The following ASAP2 variants were observed in gnomAD, a reference collection of about 807,000 sequenced individuals.
ASAP2 encodes ArfGAP with SH3 domain, ankyrin repeat and PH domain 2.
A neutral mutation model predicts 131.4 loss-of-function variants in ASAP2; 45 were observed. The ratio of observed to expected loss-of-function variants is 0.34; its 90% CI spans 0.27 to 0.44. ASAP2 has a LOEUF of 0.44. Among genes scored for constraint, ASAP2 ranks in the 20% least tolerant of loss-of-function variants. The pLI is 1.00. For missense variants in ASAP2, 1,011 were observed against 1,297.0 expected, an observed-to-expected ratio of 0.78 and a Z score of 3.39; for synonymous variants, 510 against 503.0, an observed-to-expected ratio of 1.01 and a Z score of -0.19.
chr2:9,270,650 A>C (rs1263988788), intron 1 of ASAP2, among the ~76,000 whole-genome samples: 6 of 151,802 alleles, frequency 4.0e-5, no homozygotes, highest in African/African-American at 1.5e-4. Flanking sequence ...TGTTTCTATC[A>C]AATACTAGAT....
intron 12 of ASAP2, among the ~76,000 whole-genome samples, chr2:9,355,365 G>A (rs1672626569): frequency 6.6e-6 from 1 of 152,070 alleles, no homozygotes; most frequent in African/African-American, 2.4e-5. Context: ...CCCTTAATTT[G>A]GATTTCTCTA....
chr2:9,377,436 A>G (rs1406840706), intron 18 of ASAP2, among the ~76,000 whole-genome samples: 1 of 152,246 alleles, frequency 6.6e-6, no homozygotes, highest in Non-Finnish European at 1.5e-5. Flanking sequence ...GCACTGGATT[A>G]TGGGTGTTTT....
At chr2:9,231,358 G>T (rs1663148219) in intron 1 of ASAP2, among the ~76,000 whole-genome samples, 1 of 152,158 alleles carries the variant, frequency 6.6e-6, no homozygotes, top group African/African-American at 2.4e-5. Context: ...TTGCTCTAGG[G>T]CTTAAGTCAG....
intron 1 of ASAP2, among the ~76,000 whole-genome samples, chr2:9,246,492 A>G (rs1175824316): frequency 3.3e-5 from 5 of 152,110 alleles, no homozygotes; most frequent in Admixed American, 1.3e-4. Flanking sequence ...GAGTATCACC[A>G]TATTGCCCAG....
intron 1 of ASAP2, among the ~76,000 whole-genome samples, chr2:9,221,876 C>T (rs544993196): frequency 2.0e-5 from 3 of 152,202 alleles, no homozygotes; most frequent in African/African-American, 7.2e-5. Flanking sequence ...TCACTGCAAG[C>T]TCTGCCTCCC....
Position 9,317,971 on chromosome 2 carries a change from C to T in ASAP2, c.346-553C>T, listed in dbSNP as rs367643851. Among the ~76,000 whole-genome samples, 4 of 151,182 alleles carry T rather than the reference C, an allele frequency of 2.6e-5. No homozygotes were observed. In the East Asian group the frequency reaches 7.7e-4, roughly 29 times the overall value. On this transcript the variant is annotated intron_variant, in intron 3 of 27. Coordinates refer to ENST00000281419, the MANE Select transcript of ASAP2 (RefSeq NM_003887.3). ...ACACCCTCACTCAGTCGTACACACT[C>T]ATTGACACACACTCTCCGTCCCCAA...
chr2:9,315,896 A>G (rs1669640611), intron 3 of ASAP2, among the ~76,000 whole-genome samples: 1 of 152,210 alleles, frequency 6.6e-6, no homozygotes, highest in Non-Finnish European at 1.5e-5. Context: ...TCCTAGGGCA[A>G]AAGTTCCCCA....
intron 12 of ASAP2, among the ~76,000 whole-genome samples, chr2:9,354,548 G>T (rs1672562949): frequency 1.3e-5 from 2 of 151,520 alleles, no homozygotes; most frequent in Non-Finnish European, 2.9e-5. Flanking sequence ...GAGGTGGGAA[G>T]ATCGCTTGAG....
chr2:9,367,198 T>C (rs1046636959), intron 15 of ASAP2, among the ~76,000 whole-genome samples: 2 of 151,772 alleles, frequency 1.3e-5, no homozygotes, highest in Non-Finnish European at 2.9e-5. Context: ...GCCTGGCTAA[T>C]TTCTTTTGTA....
At chr2:9,290,188 C>T (rs1424624545) in intron 2 of ASAP2, among the ~76,000 whole-genome samples, 4 of 151,946 alleles carry the variant, frequency 2.6e-5, no homozygotes, top group African/African-American at 9.7e-5. Context: ...AAGACATATT[C>T]TAATGTTATT....
chr2:9,374,385 G>C (rs539678984), intron 16 of ASAP2, among the ~76,000 whole-genome samples: 1 of 152,358 alleles, frequency 6.6e-6, no homozygotes, highest in African/African-American at 2.4e-5. Flanking sequence ...GCAGGGGCAG[G>C]GCCTTCCTGG....
chr2:9,254,254 T>TATATATATATACACACACACAC (rs1553297027), intron 1 of ASAP2, among the ~76,000 whole-genome samples: 1 of 65,766 alleles, frequency 1.5e-5, no homozygotes, highest in Non-Finnish European at 2.8e-5. Flanking sequence ...TATATATATA[T>TATATATATATACACACACACAC]ACACGTGTGT....
At chr2:9,216,259 G>A (rs1251595802) in intron 1 of ASAP2, among the ~76,000 whole-genome samples, 1 of 151,400 alleles carries the variant, frequency 6.6e-6, no homozygotes, top group African/African-American at 2.4e-5. Context: ...TCCAGAGTGT[G>A]GGTGAAGTCA....
chr2:9,334,713 C>T, intron 7 of ASAP2, 25 bp from the exon 8 acceptor site: 1 of 1,600,712 alleles, frequency 6.2e-7, no homozygotes, highest in Non-Finnish European at 8.5e-7. Flanking sequence ...GAAATGTCAT[C>T]TCTGTTTCTT....
intron 1 of ASAP2, among the ~76,000 whole-genome samples, chr2:9,274,847 G>A (rs1325774355): frequency 6.6e-6 from 1 of 152,136 alleles, no homozygotes; most frequent in South Asian, 2.1e-4. Flanking sequence ...TCATCCCTGA[G>A]TTCAGGAAGC....
In ASAP2 at chr2:9,375,812, A is replaced by G. The variant is rs1414248852; in HGVS notation, c.1746+868A>G. Among the ~76,000 whole-genome samples the G allele has an allele frequency of 2.0e-5, 3 of 152,246 alleles. No homozygotes were observed. The East Asian group carries it at 5.8e-4, about 29-fold the overall frequency. On this transcript the variant is annotated intron_variant, in intron 17 of 27. Coordinates refer to ENST00000281419, the MANE Select transcript of ASAP2 (RefSeq NM_003887.3). The stretch of plus-strand genomic sequence containing the variant: ...CAGGTTTAACCTGAGCTTCATGCTA[A>G]CGAGAGAAGCTCTCTGAGAGGGGCG...
At chr2:9,222,821 G>A (rs2147988441) in intron 1 of ASAP2, among the ~76,000 whole-genome samples, 1 of 152,176 alleles carries the variant, frequency 6.6e-6, no homozygotes. Context: ...TCCTTCCATT[G>A]TCTACACTCC....
intron 1 of ASAP2, among the ~76,000 whole-genome samples, chr2:9,234,953 T>C (rs1558253975): frequency 6.6e-6 from 1 of 152,108 alleles, no homozygotes; most frequent in Non-Finnish European, 1.5e-5. Flanking sequence ...GGGGAAGTGA[T>C]AAGAGAGGAA....
At position 9,374,735 on chromosome 2, in the gene ASAP2, G is replaced by T; in HGVS notation, c.1557-20G>T. 1 of 1,574,494 alleles carries T rather than the reference G, an allele frequency of 6.4e-7. No homozygotes were observed. Among genetic ancestry groups the T allele is most frequent in the South Asian group, 1.2e-5 (1 of 85,556 alleles). On this transcript the variant is annotated intron_variant, in intron 16 of 27. Transcript: ENST00000281419. Reference sequence around the variant, plus strand: ...GTAGAAGCCCTTCATGATTTGCAAGGCAATTACGTTTGGTTTCAGGAATGC... The same window carrying T: ...GTAGAAGCCCTTCATGATTTGCAAGTCAATTACGTTTGGTTTCAGGAATGC...
Sources: gnomAD v4.1 joint callset for allele counts (sites outside exome capture counted in the v4.1 genomes callset) on GRCh38, gnomAD v4.1.1 for gene constraint, MANE v1.5 for transcripts, NCBI Gene and HGNC (gene_info 2026-07-23, HGNC 2026-07-21) for gene names.